The following ADAMTS20 variants were observed in gnomAD, a reference collection of about 807,000 sequenced individuals.
ADAMTS20 encodes the protein ADAM metallopeptidase with thrombospondin type 1 motif 20.
Under a neutral mutation model 260.1 loss-of-function variants are expected in ADAMTS20, and 225 were observed. The observed-to-expected ratio is 0.87, with a 90% CI of 0.78 to 0.97. ADAMTS20 has a LOEUF of 0.97. Among genes scored for constraint, ADAMTS20 ranks in the 50% least tolerant of loss-of-function variants. The probability of loss-of-function intolerance (pLI) is 0.00; values close to 1 mark genes in which losing one functional copy is unlikely to be tolerated. For synonymous variants in ADAMTS20, 802 were observed against 769.5 expected (o/e 1.04, Z -0.70); for missense variants, 2,400 against 2,337.7 (o/e 1.03, Z -0.55).
At chr12:43,381,805 G>C (rs1014883576) in intron 31 of ADAMTS20, among the ~76,000 whole-genome samples, 1 of 96,408 alleles carries the variant, frequency 1.0e-5, no homozygotes, top group Non-Finnish European at 2.1e-5. Context: ...AAAAAAAAAA[G>C]ATGGGCAGAA....
At chr12:43,421,282 C>CACACCA (rs368419833) in intron 28 of ADAMTS20, among the ~76,000 whole-genome samples, 1 of 118,892 alleles carries the variant, frequency 8.4e-6, no homozygotes, top group East Asian at 2.2e-4. Context: ...CTTTCATTTA[C>CACACCA]AAAAAAAAAA....
Position 43,493,223 on chromosome 12 carries a change from C to T in ADAMTS20, c.898G>A (p.Gly300Arg), listed in dbSNP as rs867374222. The T allele has an allele frequency of 2.6e-6, 4 of 1,559,202 alleles. No individual in the cohort carries two copies. In the East Asian group the frequency reaches 7.0e-5, roughly 27 times the overall value. ...VATIYKDPSI[G>R]NLIHIVVVKL... ...ACCACTACTATGTGTATCAAATTTC[C>T]AATACTTGGATCTTTGTAGATTGTT... Residue 300 changes from glycine (G) to arginine (R), a missense_variant, in exon 5 of 39, where the codon GGA (glycine) becomes AGA (arginine). Transcript: ENST00000389420.
At chr12:43,463,711 G>A (rs1364961189) in intron 10 of ADAMTS20, among the ~76,000 whole-genome samples, 1 of 152,104 alleles carries the variant, frequency 6.6e-6, no homozygotes, top group Admixed American at 6.5e-5. Context: ...AATAAGTTTT[G>A]CCTGTCCTAC....
intron 4 of ADAMTS20, among the ~76,000 whole-genome samples, chr12:43,501,460 TACGC>T (rs1239838896): frequency 4.3e-5 from 4 of 92,098 alleles, no homozygotes; most frequent in East Asian, 2.5e-4. Context: ...TGGAGGGGGA[TACGC>T]GCGCGCGCGC....
In ADAMTS20 at chr12:43,357,041, C is replaced by T. The variant is rs779661693; in HGVS notation, c.5539-453G>A. ...AGAAACAGCGTGCAGATGTGTGATG[C>T]CACATGATTTACACACATTATGGTG... On this transcript the variant is annotated intron_variant, in intron 37 of 38. Coordinates refer to ENST00000389420, the MANE Select transcript of ADAMTS20 (RefSeq NM_025003.5). 1.8e-4 allele frequency among the ~76,000 whole-genome samples: 28 copies of T among 152,294 alleles called. 1 individual carries two copies. In the Middle Eastern group the frequency reaches 0.014, roughly 75 times the overall value.
At chr12:43,421,239 G>A (rs1941227970) in intron 28 of ADAMTS20, among the ~76,000 whole-genome samples, 1 of 126,814 alleles carries the variant, frequency 7.9e-6, no homozygotes. Context: ...AACACAAAGT[G>A]AATGCGCCAG....
intron 2 of ADAMTS20, among the ~76,000 whole-genome samples, chr12:43,543,521 T>C (rs1485445071): frequency 6.6e-6 from 1 of 152,180 alleles, no homozygotes; most frequent in Non-Finnish European, 1.5e-5. Context: ...TTTATCTTTT[T>C]AATTCATATT....
chr12:43,432,872 A>G (rs1941477241), intron 19 of ADAMTS20, 61 bp from the exon 20 acceptor site: 3 of 1,376,624 alleles, frequency 2.2e-6, no homozygotes, highest in Admixed American at 1.8e-5. Flanking sequence ...ACAGATTCAG[A>G]GACACTCATG....
intron 28 of ADAMTS20, among the ~76,000 whole-genome samples, chr12:43,416,091 C>A (rs1941124186): frequency 1.3e-5 from 2 of 152,172 alleles, no homozygotes; most frequent in Admixed American, 1.3e-4. Flanking sequence ...TGCCACCCCA[C>A]CCTTGGGTCA....
intron 28 of ADAMTS20, among the ~76,000 whole-genome samples, chr12:43,413,504 T>G (rs1388084895): frequency 1.3e-5 from 2 of 152,198 alleles, no homozygotes; most frequent in African/African-American, 4.8e-5. Flanking sequence ...TTTAGGTATG[T>G]TGTTACTCAT....
At chr12:43,434,496 A>G in intron 18 of ADAMTS20, 125 bp from the exon 19 acceptor site, 3 of 812,146 alleles carry the variant, frequency 3.7e-6, no homozygotes, top group South Asian at 1.9e-5. Flanking sequence ...CCAATGCAAC[A>G]TACAGGATAT....
chr12:43,394,591 CACA>C (rs1940661893), intron 29 of ADAMTS20, among the ~76,000 whole-genome samples: 1 of 152,102 alleles, frequency 6.6e-6, no homozygotes, highest in African/African-American at 2.4e-5. Flanking sequence ...ATGAATTCAG[CACA>C]ACTTAGAAAT....
rs1481757200 is a variant in ADAMTS20, at chr12:43,453,985, G to T, written c.1682C>A (p.Pro561Gln). The T allele has an allele frequency of 5.0e-6, 8 of 1,613,584 alleles. No individual in the cohort carries two copies. Among genetic ancestry groups the T allele is most frequent in the East Asian group, 2.2e-5 (1 of 44,870 alleles). Reference sequence around the variant, plus strand: ...TGAACAAGAACTGTAAGGTTCCCATGGTCCCCATTCACCATTTACAGGACG... The same window carrying T: ...TGAACAAGAACTGTAAGGTTCCCATTGTCCCCATTCACCATTTACAGGACG... Reference protein sequence around the residue: ...ETRPVNGEWGPWEPYSSCSRT... With the variant: ...ETRPVNGEWGQWEPYSSCSRT... The change falls in exon 12 of 39, where the codon CCA (proline) becomes CAA (glutamine). Residue 561 changes from proline (P) to glutamine (Q), a missense_variant. Pro to Gln is a moderately conservative substitution (Grantham distance 76). Coordinates refer to ENST00000389420, the MANE Select transcript of ADAMTS20 (RefSeq NM_025003.5).
At chr12:43,369,776 TA>T (rs1310980827) in intron 36 of ADAMTS20, among the ~76,000 whole-genome samples, 1 of 152,194 alleles carries the variant, frequency 6.6e-6, no homozygotes, top group Non-Finnish European at 1.5e-5. Flanking sequence ...TGAATGCTTA[TA>T]AACAGCACAT....
chr12:43,546,305 A>G lies in ADAMTS20; in HGVS notation c.453+4604T>C, dbSNP rs181733283. Reference sequence around the variant, plus strand: ...AGTACACACAGCCATGACAAGCTCTACTCCATGTATAAGTCAGATGCAATG... The same window carrying G: ...AGTACACACAGCCATGACAAGCTCTGCTCCATGTATAAGTCAGATGCAATG... On this transcript the variant is annotated intron_variant, in intron 2 of 38. Coordinates refer to ENST00000389420, the MANE Select transcript of ADAMTS20 (RefSeq NM_025003.5). Among the ~76,000 whole-genome samples, 564 of 152,274 alleles carry G rather than the reference A, an allele frequency of 3.7e-3. 5 individuals are homozygous for G. Among genetic ancestry groups the G allele is most frequent in the Non-Finnish European group, 4.6e-3 (312 of 68,026 alleles).
At chr12:43,436,858 C>G (rs980245260) in intron 18 of ADAMTS20, among the ~76,000 whole-genome samples, 1 of 152,170 alleles carries the variant, frequency 6.6e-6, no homozygotes, top group African/African-American at 2.4e-5. Flanking sequence ...TCCTCTCTTG[C>G]AGGACCGTTT....
In ADAMTS20 at chr12:43,515,486, T is replaced by G. The variant is rs149139129; in HGVS notation, c.614-13081A>C. 4.6e-5 allele frequency among the ~76,000 whole-genome samples: 7 copies of G among 152,286 alleles called. No homozygotes were observed. The East Asian group carries it at 1.2e-3, about 25-fold the overall frequency. On this transcript the variant is annotated intron_variant, in intron 3 of 38. Transcript: ENST00000389420. ...TGCCAATTTTTTTATTAATCTACATTTACTCCTCCTGGCTCTGTAATTTCT... is the reference window on the plus strand; with the variant it reads ...TGCCAATTTTTTTATTAATCTACATGTACTCCTCCTGGCTCTGTAATTTCT...
Position 43,431,420 on chromosome 12 carries a change from C to A in ADAMTS20, c.3173G>T (p.Gly1058Val). Residue 1058 changes from glycine to valine, a missense_variant, in exon 22 of 39, where the codon GGC becomes GTC. Coordinates refer to ENST00000389420, the MANE Select transcript of ADAMTS20 (RefSeq NM_025003.5). ...CQLNVDHLSD[G>V]FCNSSTKPES... ...AGGTTTGGTACTTGAATTACAGAAG[C>A]CATCACTCAAGTGATCTACATTCAG... 6.2e-7 allele frequency: 1 copy of A among 1,613,982 alleles called. No homozygotes were observed. The highest frequency in any genetic ancestry group is 1.1e-5 in the South Asian group (1 of 91,076).
chr12:43,551,961 A>T lies in ADAMTS20; in HGVS notation c.-40T>A. 1 of 1,563,298 alleles carries T rather than the reference A, an allele frequency of 6.4e-7. No homozygotes were observed. The highest frequency in any genetic ancestry group is 8.8e-7 in the Non-Finnish European group (1 of 1,137,744). ...GACCCCGATCGGGGAGGCCCACCAG[A>T]GCCGCCGGCAGCCAAGCCGGCTTCC... On this transcript the variant is annotated 5_prime_UTR_variant, in exon 1 of 39. Coordinates refer to ENST00000389420, the MANE Select transcript of ADAMTS20 (RefSeq NM_025003.5). The surrounding 1 kb of genome is among the most constrained non-coding windows in gnomAD (Gnocchi z 4.6).
Sources: allele counts gnomAD v4.1 joint callset (sites outside exome capture counted in the v4.1 genomes callset), GRCh38; gene constraint gnomAD v4.1.1; non-coding constraint Gnocchi (gnomAD v3.1); transcripts MANE v1.5; gene names NCBI Gene and HGNC (gene_info 2026-07-23, HGNC 2026-07-21).